Variants in DYNC1I1 observed in about 807,000 individuals in gnomAD.
The protein encoded by DYNC1I1 is dynein cytoplasmic 1 intermediate chain 1.
Under a neutral mutation model 86.6 loss-of-function variants are expected in DYNC1I1, and 43 were observed. That is an observed-to-expected ratio of 0.50 (90% confidence interval 0.39 to 0.64). The LOEUF (loss-of-function observed/expected upper bound fraction) is 0.64. Ranked by LOEUF, DYNC1I1 falls within the 30% of genes least tolerant of loss-of-function variation. DYNC1I1 has a pLI of 0.00. For missense variants in DYNC1I1, 604 were observed against 788.8 expected, an observed-to-expected ratio of 0.77 and a Z score of 2.81; for synonymous variants, 262 against 283.7, an observed-to-expected ratio of 0.92 and a Z score of 0.77.
intron 7 of DYNC1I1, among the ~76,000 whole-genome samples, chr7:95,983,962 T>C (rs1298414459): frequency 1.3e-5 from 2 of 152,144 alleles, no homozygotes; most frequent in Admixed American, 6.5e-5. Context: ...CCCTTGATGG[T>C]TTTTTGGTCT....
At chr7:96,017,259 A>G (rs1238019679) in intron 10 of DYNC1I1, among the ~76,000 whole-genome samples, 2 of 152,206 alleles carry the variant, frequency 1.3e-5, no homozygotes, top group African/African-American at 4.8e-5. Context: ...TTGCTTTTTA[A>G]CATACAAAGG....
chr7:95,819,578 A>G (rs1367389139), intron 4 of DYNC1I1, among the ~76,000 whole-genome samples: 1 of 152,166 alleles, frequency 6.6e-6, no homozygotes, highest in African/African-American at 2.4e-5. Context: ...TAAAGGAAGT[A>G]TTAGTAAAGG....
At chr7:95,878,350 A>G (rs1259965507) in intron 6 of DYNC1I1, among the ~76,000 whole-genome samples, 3 of 152,174 alleles carry the variant, frequency 2.0e-5, no homozygotes, top group African/African-American at 7.2e-5. Flanking sequence ...ATATTTCACC[A>G]AATAGAGAAT....
chr7:96,076,238 G>T (rs201915259), intron 15 of DYNC1I1, 41 bp downstream of exon 15: 38 of 1,607,624 alleles, frequency 2.4e-5, no homozygotes, highest in African/African-American at 5.3e-5. Context: ...GGGCTGGGAG[G>T]GGGGCGCAGT....
chr7:95,881,216 A>T (rs1790447284), intron 6 of DYNC1I1, among the ~76,000 whole-genome samples: 1 of 152,204 alleles, frequency 6.6e-6, no homozygotes, highest in Non-Finnish European at 1.5e-5. Flanking sequence ...GGAAGCAGCA[A>T]TAAAGTCACC....
At chr7:95,992,814 C>T (rs2115736510) in intron 9 of DYNC1I1, among the ~76,000 whole-genome samples, 1 of 152,146 alleles carries the variant, frequency 6.6e-6, no homozygotes, top group South Asian at 2.1e-4. Context: ...GGGGTTTCAC[C>T]ATGTTGGCAA....
intron 1 of DYNC1I1, among the ~76,000 whole-genome samples, chr7:95,781,461 A>G (rs957420718): frequency 6.6e-6 from 1 of 152,236 alleles, no homozygotes; most frequent in East Asian, 1.9e-4. Context: ...TAAAGTAGAT[A>G]GAAAAGTTGG....
At chr7:95,994,360 T>A (rs1424107543) in intron 9 of DYNC1I1, among the ~76,000 whole-genome samples, 2 of 152,116 alleles carry the variant, frequency 1.3e-5, no homozygotes, top group African/African-American at 4.8e-5. Flanking sequence ...TGACAAGGGC[T>A]TTAATTGGCA....
At chr7:96,022,015 AT>A (rs1287504904) in intron 10 of DYNC1I1, among the ~76,000 whole-genome samples, 4 of 152,122 alleles carry the variant, frequency 2.6e-5, no homozygotes, top group Non-Finnish European at 2.9e-5. Flanking sequence ...TATCTTGGGT[AT>A]ATACCTAGGA....
At chr7:95,932,405 G>A (rs2116413444) in intron 6 of DYNC1I1, among the ~76,000 whole-genome samples, 1 of 152,286 alleles carries the variant, frequency 6.6e-6, no homozygotes, top group Non-Finnish European at 1.5e-5. Flanking sequence ...ACATGACAGT[G>A]GGCATTATTC....
chr7:95,895,523 A>T (rs1229707777), intron 6 of DYNC1I1, among the ~76,000 whole-genome samples: 1 of 152,178 alleles, frequency 6.6e-6, no homozygotes, highest in Non-Finnish European at 1.5e-5. Flanking sequence ...CTCCTTTGGA[A>T]AACTTCTTGA....
chr7:95,928,670 C>G (rs1215797379), intron 6 of DYNC1I1, among the ~76,000 whole-genome samples: 1 of 152,194 alleles, frequency 6.6e-6, no homozygotes, highest in Non-Finnish European at 1.5e-5. Flanking sequence ...TGGCTGTTCT[C>G]TGTTGCCTTT....
intron 1 of DYNC1I1, among the ~76,000 whole-genome samples, chr7:95,781,194 C>T (rs1319759700): frequency 1.3e-5 from 2 of 152,088 alleles, no homozygotes. Context: ...AAATATGGAC[C>T]ACCCAGGGAC....
intron 5 of DYNC1I1, among the ~76,000 whole-genome samples, chr7:95,849,631 T>C (rs921930319): frequency 3.3e-5 from 5 of 152,300 alleles, no homozygotes; most frequent in Middle Eastern, 3.4e-3. Flanking sequence ...GTTTGTAGTA[T>C]ATTTTGAAGT....
intron 1 of DYNC1I1, among the ~76,000 whole-genome samples, chr7:95,781,056 A>T (rs1003915169): frequency 1.1e-4 from 17 of 152,262 alleles, no homozygotes; most frequent in Middle Eastern, 3.4e-3. Flanking sequence ...GACTTTGTTC[A>T]CTTTCAGAAG....
intron 6 of DYNC1I1, among the ~76,000 whole-genome samples, chr7:95,908,185 C>T (rs1313425563): frequency 1.3e-5 from 2 of 152,072 alleles, no homozygotes; most frequent in African/African-American, 4.8e-5. Context: ...GGAGACTGCA[C>T]TTATAGAGTT....
intron 6 of DYNC1I1, among the ~76,000 whole-genome samples, chr7:95,881,500 A>G (rs1790454243): frequency 6.6e-6 from 1 of 152,270 alleles, no homozygotes; most frequent in South Asian, 2.1e-4. Flanking sequence ...GCAGTAAAAT[A>G]TATCAGACTG....
chr7:95,854,073 C>T (rs946794837), intron 5 of DYNC1I1, among the ~76,000 whole-genome samples: 1 of 152,074 alleles, frequency 6.6e-6, no homozygotes, highest in African/African-American at 2.4e-5. Context: ...TTGTAGGCAG[C>T]GTATTTTTTA....
chr7:96,065,378 C>CTTTTT lies in DYNC1I1; in HGVS notation c.1510-10666_1510-10662dup, dbSNP rs34423655. Among the ~76,000 whole-genome samples, 499 of 127,550 alleles carry CTTTTT rather than the reference C, an allele frequency of 3.9e-3. 14 individuals are homozygous for CTTTTT. Among genetic ancestry groups the CTTTTT allele is most frequent in the Admixed American group, 0.013 (157 of 11,746 alleles). The allele number at this position is 127,550 out of a possible 152,430, so 83.7% of individuals were successfully genotyped here. A position where few individuals can be genotyped will look rare whatever the true frequency, so the allele number is the denominator to read the frequency against. On this transcript the variant is annotated intron_variant, in intron 14 of 16. Transcript: ENST00000447467. ...CACTCTTTTCTTTTTTTCTTTCTTT[C>CTTTTT]TTTTTTTTTTTTTTTTTGAGACAGG...
Sources: allele counts gnomAD v4.1 joint callset (sites outside exome capture counted in the v4.1 genomes callset), GRCh38; gene constraint gnomAD v4.1.1; transcripts MANE v1.5; gene names NCBI Gene and HGNC (gene_info 2026-07-23, HGNC 2026-07-21).